Variants in NDUFS7 observed in about 807,000 individuals in gnomAD.
NDUFS7 encodes NADH dehydrogenase [ubiquinone] iron-sulfur protein 7, mitochondrial.
NDUFS7 carries 11 observed loss-of-function variants against 31.1 expected under a neutral mutation model. The observed-to-expected ratio is 0.35, with a 90% CI of 0.22 to 0.59. The LOEUF is 0.59. Ranked by LOEUF, NDUFS7 falls within the 20% of genes least tolerant of loss-of-function variation. The pLI, the probability that NDUFS7 is intolerant of heterozygous loss-of-function variation, is 0.79. For synonymous variants in NDUFS7, 136 were observed against 127.9 expected (o/e 1.06, Z -0.43); for missense variants, 263 against 324.2 (o/e 0.81, Z 1.45).
At chr19:1,394,420 T>C (rs1486370638) in intron 7 of NDUFS7, 2 of 1,288,862 alleles carry the variant, frequency 1.6e-6, no homozygotes, top group Admixed American at 2.3e-5. Flanking sequence ...CCTTGCAGAC[T>C]GAGCTCCTCC....
Position 1,393,375 on chromosome 19 carries a change from C to T in NDUFS7, c.544+45C>T. ...GCCCACGAGGGAGCTGGAGACAGGG[C>T]CAGCGCCACACGGAGCCCGGCGGCC... is the stretch of plus-strand genomic sequence containing the variant. On this transcript the variant is annotated intron_variant, in intron 7 of 7. Coordinates refer to ENST00000233627, the MANE Select transcript of NDUFS7 (RefSeq NM_024407.5). The surrounding 1 kb of genome is among the most constrained non-coding windows in gnomAD (Gnocchi z 7.3). 6.7e-7 allele frequency: 1 copy of T among 1,500,698 alleles called. No individual in the cohort carries two copies. The highest frequency in any genetic ancestry group is 9.0e-7 in the Non-Finnish European group (1 of 1,107,038). 93.0% of individuals were successfully genotyped at this position (1,500,698 alleles called of 1,614,324 possible). A position where few individuals can be genotyped will look rare whatever the true frequency, so the allele number is the denominator to read the frequency against.
rs889218427 is a variant in NDUFS7 at position 1,388,587 on chromosome 19, C to T, written c.116C>T (p.Pro39Leu). ...GVHQSVATDG[P>L]SSTQPALPKA... ...CATCAGAGCGTGGCCACCGATGGCC[C>T]AAGCAGGTGAAGCTGGCCTTCTGGG... Residue 39 changes from proline (P) to leucine (L), a missense_variant, in exon 3 of 8, where the codon CCA becomes CTA. By Grantham distance (98) the Pro-to-Leu change is moderately conservative. Transcript: ENST00000233627. 1.2e-6 allele frequency: 2 copies of T among 1,612,026 alleles called. No individual in the cohort carries two copies. Among genetic ancestry groups the T allele is most frequent in the African/African-American group, 1.3e-5 (1 of 74,896 alleles).
At chr19:1,389,076 T>G (rs879550646) in intron 4 of NDUFS7, 138 bp downstream of exon 4, 17 of 778,900 alleles carry the variant, frequency 2.2e-5, no homozygotes, top group Non-Finnish European at 3.8e-5. Context: ...CACATGTGCA[T>G]GCAAGCTCAC....
chr19:1,389,792 C>G, intron 4 of NDUFS7: 1 of 330,128 alleles, frequency 3.0e-6, no homozygotes, highest in South Asian at 2.5e-5. Context: ...TTCACTGTTT[C>G]CTTTTGTTTT....
intron 2 of NDUFS7, 77 bp from the exon 3 acceptor site, chr19:1,388,448 C>A: frequency 3.8e-6 from 5 of 1,330,860 alleles, no homozygotes; most frequent in South Asian, 1.2e-5. Context: ...AGGGGAGAGG[C>A]AGGACAACAG....
chr19:1,392,124 G>A (rs1240573780), intron 6 of NDUFS7: 1 of 151,970 alleles, frequency 6.6e-6, no homozygotes, highest in Admixed American at 6.6e-5. Context: ...TGGGATTACA[G>A]GCATGAGCCA....
At chr19:1,389,041 ACAC>A in intron 4 of NDUFS7, 103 bp downstream of exon 4, 1 of 952,468 alleles carries the variant, frequency 1.0e-6, no homozygotes, top group Non-Finnish European at 1.7e-6. Context: ...TACACACACA[ACAC>A]ATGCATGCAC....
chr19:1,385,115 T>C (rs1356157413), intron 1 of NDUFS7, among the ~76,000 whole-genome samples: 1 of 152,094 alleles, frequency 6.6e-6, no homozygotes, highest in Non-Finnish European at 1.5e-5. Context: ...ACGCTAAGAA[T>C]TGAATGAAGG....
At chr19:1,389,328 C>T in intron 4 of NDUFS7, 1 of 377,974 alleles carries the variant, frequency 2.6e-6, no homozygotes, top group South Asian at 1.7e-5. Flanking sequence ...CATGCACACT[C>T]ACACACATGC....
chr19:1,394,705 C>T, intron 7 of NDUFS7: 1 of 1,188,616 alleles, frequency 8.4e-7, no homozygotes, highest in Non-Finnish European at 1.1e-6. Flanking sequence ...GCGGACTGTG[C>T]TTCTCCCTCC....
intron 7 of NDUFS7, chr19:1,394,494 T>G (rs1357090220): frequency 7.9e-7 from 1 of 1,264,440 alleles, no homozygotes; most frequent in African/African-American, 1.6e-5. Flanking sequence ...ACTGCGCTCC[T>G]CCCTCCTTGG....
chr19:1,389,614 G>A (rs1433694521), intron 4 of NDUFS7: 1 of 427,728 alleles, frequency 2.3e-6, no homozygotes. Flanking sequence ...GAGCGCGTGT[G>A]AAGGCAGTAG....
chr19:1,391,028 A>C lies in NDUFS7; in HGVS notation c.386A>C (p.Lys129Thr). The change falls in exon 5 of 8, where the codon AAG becomes ACG. Residue 129 changes from lysine to threonine, a missense_variant. Coordinates refer to ENST00000233627, the MANE Select transcript of NDUFS7 (RefSeq NM_024407.5). The part of the protein sequence containing the change: ...VMIVAGTLTN[K>T]MAPALRKVYD... The stretch of plus-strand genomic sequence containing the variant: ...ATCGTGGCCGGCACACTCACCAACA[A>C]GATGGCCCCAGCGCTTCGCAAGGTA... 6.2e-7 allele frequency: 1 copy of C among 1,613,448 alleles called. No individual in the cohort carries two copies. The highest frequency in any genetic ancestry group is 8.5e-7 in the Non-Finnish European group (1 of 1,179,902).
rs1051699535 is a variant in NDUFS7, at chr19:1,393,793, C to T, written c.544+463C>T. 9 of 410,100 alleles carry T rather than the reference C, an allele frequency of 2.2e-5. No homozygotes were observed. The South Asian group carries it at 2.3e-4, about 11-fold the overall frequency. 25.4% of individuals were successfully genotyped at this position (410,100 alleles called of 1,614,324 possible). A position where few individuals can be genotyped will look rare whatever the true frequency, so the allele number is the denominator to read the frequency against. ...GACTGTGAGGTTAGGGTGAATTTGA[C>T]CATCAGGAAAACTGTTAGTAGTAAT... is the stretch of plus-strand genomic sequence containing the variant. On this transcript the variant is annotated intron_variant, in intron 7 of 7. Transcript: ENST00000233627. The surrounding 1 kb of genome is among the most constrained non-coding windows in gnomAD (Gnocchi z 7.3).
At chr19:1,384,186 G>A (rs2082492751) in intron 1 of NDUFS7, 1 of 517,162 alleles carries the variant, frequency 1.9e-6, no homozygotes, top group East Asian at 3.5e-5. Context: ...TCCAGCCTCA[G>A]GAAGGCGCTC....
At chr19:1,384,677 G>T (rs1293505188) in intron 1 of NDUFS7, among the ~76,000 whole-genome samples, 1 of 152,196 alleles carries the variant, frequency 6.6e-6, no homozygotes, top group Non-Finnish European at 1.5e-5. Flanking sequence ...GAAGGAGTGA[G>T]GAGTGGAAAT....
At chr19:1,388,995 C>T (rs1568988922) in intron 4 of NDUFS7, 57 bp downstream of exon 4, 1 of 1,380,882 alleles carries the variant, frequency 7.2e-7, no homozygotes, top group Non-Finnish European at 1.0e-6. Context: ...TGCACACTCA[C>T]AGGCACACAC....
chr19:1,391,674 A>G (rs1370075715), intron 6 of NDUFS7, among the ~76,000 whole-genome samples: 2 of 150,480 alleles, frequency 1.3e-5, no homozygotes, highest in South Asian at 2.1e-4. Context: ...TTTAGTAGAG[A>G]CGGGGTTTTA....
chr19:1,388,000 G>C (rs1027688271), intron 2 of NDUFS7, 153 bp downstream of exon 2: 1 of 768,908 alleles, frequency 1.3e-6, no homozygotes, highest in Non-Finnish European at 2.2e-6. Context: ...CACGCTGCCC[G>C]TGATGTGCCG....
Sources: gnomAD v4.1 joint callset for allele counts (sites outside exome capture counted in the v4.1 genomes callset) on GRCh38, gnomAD v4.1.1 for gene constraint, Gnocchi (gnomAD v3.1) non-coding constraint, MANE v1.5 for transcripts, NCBI Gene and HGNC (gene_info 2026-07-23, HGNC 2026-07-21) for gene names.